Variants in PAK5 observed in about 807,000 individuals in gnomAD.
PAK5 encodes serine/threonine-protein kinase PAK 5.
Under a neutral mutation model 65.9 loss-of-function variants are expected in PAK5, and 16 were observed. The observed-to-expected ratio is 0.24, with a 90% CI of 0.16 to 0.37. PAK5 has a LOEUF of 0.37. Among genes scored for constraint, PAK5 ranks in the 10% least tolerant of loss-of-function variants. PAK5 has a pLI of 1.00. For synonymous variants in PAK5, 371 were observed against 354.9 expected (o/e 1.05, Z -0.51); for missense variants, 785 against 903.9 (o/e 0.87, Z 1.69).
intron 1 of PAK5, among the ~76,000 whole-genome samples, chr20:9,807,991 G>A (rs1026984365): frequency 3.9e-5 from 6 of 152,002 alleles, no homozygotes; most frequent in Non-Finnish European, 8.8e-5. Flanking sequence ...TGTGGATTTT[G>A]GGAATTTGTA....
intron 5 of PAK5, among the ~76,000 whole-genome samples, chr20:9,563,980 C>T (rs2045631913): frequency 6.6e-6 from 1 of 152,144 alleles, no homozygotes; most frequent in Non-Finnish European, 1.5e-5. Flanking sequence ...CAAACACCTT[C>T]TTACTTCTCA....
chr20:9,803,234 T>A (rs572010393), intron 1 of PAK5, among the ~76,000 whole-genome samples: 92 of 152,084 alleles, frequency 6.0e-4, no homozygotes, highest in African/African-American at 1.9e-3. Context: ...AAATGTAGGT[T>A]TACTAGAAAT....
chr20:9,773,395 G>A (rs557115028), intron 1 of PAK5, among the ~76,000 whole-genome samples: 10 of 150,604 alleles, frequency 6.6e-5, no homozygotes, highest in African/African-American at 2.2e-4. Flanking sequence ...CCCTTCCCCC[G>A]ACCCCACGAC....
intron 2 of PAK5, among the ~76,000 whole-genome samples, chr20:9,655,694 G>A (rs1255674346): frequency 6.6e-6 from 1 of 152,122 alleles, no homozygotes; most frequent in African/African-American, 2.4e-5. Context: ...GTCAGATGTG[G>A]AAATAATGGA....
At chr20:9,703,633 T>C (rs914457467) in intron 2 of PAK5, among the ~76,000 whole-genome samples, 2 of 152,158 alleles carry the variant, frequency 1.3e-5, no homozygotes, top group Non-Finnish European at 2.9e-5. Context: ...CTCCCCTGTA[T>C]GTAAGACCTT....
chr20:9,807,093 C>T (rs769545125), intron 1 of PAK5, among the ~76,000 whole-genome samples: 6 of 152,102 alleles, frequency 3.9e-5, no homozygotes, highest in African/African-American at 9.7e-5. Flanking sequence ...TATGGACTCC[C>T]GTGTGATCAT....
At chr20:9,652,806 C>T (rs543879251) in intron 2 of PAK5, among the ~76,000 whole-genome samples, 4 of 152,234 alleles carry the variant, frequency 2.6e-5, no homozygotes, top group Non-Finnish European at 4.4e-5. Flanking sequence ...ATGTAAACCC[C>T]GACTTCATAC....
chr20:9,598,647 C>G (rs2046311329), intron 3 of PAK5, among the ~76,000 whole-genome samples: 1 of 152,146 alleles, frequency 6.6e-6, no homozygotes, highest in South Asian at 2.1e-4. Context: ...TTAATAATCA[C>G]CATTCTGACT....
At chr20:9,680,913 C>G (rs1022584561) in intron 2 of PAK5, among the ~76,000 whole-genome samples, 3 of 152,154 alleles carry the variant, frequency 2.0e-5, no homozygotes, top group African/African-American at 7.2e-5. Flanking sequence ...TTGTTAGGTG[C>G]GGCGTTTTAT....
chr20:9,581,662 G>T (rs2123023534), intron 3 of PAK5, among the ~76,000 whole-genome samples: 1 of 152,206 alleles, frequency 6.6e-6, no homozygotes, highest in Non-Finnish European at 1.5e-5. Flanking sequence ...TAGTAATGAT[G>T]GTTGCACCTG....
chr20:9,669,365 G>A (rs925993620), intron 2 of PAK5, among the ~76,000 whole-genome samples: 1 of 152,058 alleles, frequency 6.6e-6, no homozygotes, highest in East Asian at 1.9e-4. Flanking sequence ...ATATCTTAAA[G>A]AAACTGAATT....
chr20:9,804,103 G>T (rs2049203257), intron 1 of PAK5, among the ~76,000 whole-genome samples: 1 of 152,166 alleles, frequency 6.6e-6, no homozygotes, highest in Non-Finnish European at 1.5e-5. Flanking sequence ...GAACTTGTTA[G>T]AAATGTAGAA....
intron 1 of PAK5, among the ~76,000 whole-genome samples, chr20:9,785,640 A>T (rs2048984362): frequency 6.6e-6 from 1 of 152,172 alleles, no homozygotes; most frequent in Non-Finnish European, 1.5e-5. Flanking sequence ...ATGACATAAG[A>T]TTACCATCTT....
chr20:9,660,041 A>G (rs1247555083), intron 2 of PAK5, among the ~76,000 whole-genome samples: 1 of 152,124 alleles, frequency 6.6e-6, no homozygotes, highest in African/African-American at 2.4e-5. Context: ...AAAAACAATA[A>G]TAACTAGCCT....
intron 3 of PAK5, among the ~76,000 whole-genome samples, chr20:9,583,183 A>G (rs1343851489): frequency 6.6e-6 from 1 of 152,160 alleles, no homozygotes; most frequent in Non-Finnish European, 1.5e-5. Context: ...ACACACCTAT[A>G]ATTATATCCA....
intron 2 of PAK5, among the ~76,000 whole-genome samples, chr20:9,674,494 T>A (rs1251528648): frequency 2.6e-5 from 4 of 152,208 alleles, no homozygotes; most frequent in African/African-American, 9.6e-5. Flanking sequence ...TGTGGAGTAA[T>A]CTTTGACATT....
At chr20:9,833,473 C>T (rs1978893348) in intron 1 of PAK5, among the ~76,000 whole-genome samples, 1 of 149,602 alleles carries the variant, frequency 6.7e-6, no homozygotes, top group Non-Finnish European at 1.5e-5. Context: ...ATCCATACCA[C>T]CTCATCCCAC....
At chr20:9,540,452 C>T (rs943873335) in intron 9 of PAK5, among the ~76,000 whole-genome samples, 4 of 152,058 alleles carry the variant, frequency 2.6e-5, no homozygotes, top group African/African-American at 9.7e-5. Flanking sequence ...TTGTACTTTA[C>T]CAAAATGGAG....
chr20:9,684,391 T>A (rs1168926299), intron 2 of PAK5, among the ~76,000 whole-genome samples: 1 of 152,212 alleles, frequency 6.6e-6, no homozygotes, highest in East Asian at 1.9e-4. Context: ...GTTATAGTGA[T>A]GTGCCTGCTC....
Sources: allele counts gnomAD v4.1 joint callset (sites outside exome capture counted in the v4.1 genomes callset), GRCh38; gene constraint gnomAD v4.1.1; transcripts MANE v1.5; gene names NCBI Gene and HGNC (gene_info 2026-07-23, HGNC 2026-07-21).